Variants in DCDC2C observed in about 807,000 individuals in gnomAD.
DCDC2C encodes doublecortin domain containing 2C.
In DCDC2C, 44 loss-of-function variants were observed where a neutral mutation model predicts 45.0. That is an observed-to-expected ratio of 0.98 (90% CI 0.77 to 1.26). DCDC2C has a LOEUF of 1.26. DCDC2C is among the 50% of genes most tolerant of loss of function. The pLI is 0.00. For synonymous variants in DCDC2C, 187 were observed against 178.8 expected (o/e 1.05, Z -0.37); for missense variants, 447 against 468.9 (o/e 0.95, Z 0.43).
intron 2 of DCDC2C, among the ~76,000 whole-genome samples, chr2:3,726,798 G>A (rs956325131): frequency 4.0e-5 from 6 of 151,460 alleles, no homozygotes; most frequent in African/African-American, 1.2e-4. Flanking sequence ...AGACCCCCTC[G>A]CGCTGCACTT....
At chr2:3,708,675 A>G (rs1177328190) in intron 2 of DCDC2C, 75 bp downstream of exon 2, 1 of 1,176,680 alleles carries the variant, frequency 8.5e-7, no homozygotes, top group Non-Finnish European at 1.2e-6. Flanking sequence ...TCGGCACGGA[A>G]TAATTGAAGT....
At position 3,776,516 on chromosome 2, in the gene DCDC2C, T is replaced by C. The variant is rs182066296; in HGVS notation, c.955-2300T>C. 3.6e-4 allele frequency among the ~76,000 whole-genome samples: 55 copies of C among 152,140 alleles called. 1 individual carries two copies. The highest frequency in any genetic ancestry group is 3.4e-3 in the Middle Eastern group (1 of 294). ...CCACTCGCTTTTCCTTGCAATGCTGTCTTCCTTTGGCAAGAGAATCTCGTC... is the reference window on the plus strand; with the variant it reads ...CCACTCGCTTTTCCTTGCAATGCTGCCTTCCTTTGGCAAGAGAATCTCGTC... On this transcript the variant is annotated intron_variant, in intron 8 of 10. Coordinates refer to ENST00000399143, the MANE Select transcript of DCDC2C (RefSeq NM_001287444.2).
chr2:3,782,446 T>C (rs974156474), intron 9 of DCDC2C, among the ~76,000 whole-genome samples: 1 of 152,114 alleles, frequency 6.6e-6, no homozygotes, highest in Non-Finnish European at 1.5e-5. Context: ...AGATGGAATG[T>C]TATTAACATT....
At chr2:3,812,981 T>C (rs1197856471) in intron 10 of DCDC2C, among the ~76,000 whole-genome samples, 2 of 151,170 alleles carry the variant, frequency 1.3e-5, no homozygotes, top group East Asian at 3.9e-4. Context: ...TGCTGAGTGT[T>C]TTACTTCCAA....
intron 3 of DCDC2C, among the ~76,000 whole-genome samples, chr2:3,729,105 T>C (rs1178593797): frequency 6.6e-6 from 1 of 152,222 alleles, no homozygotes; most frequent in East Asian, 1.9e-4. Context: ...CCTGAGTCAG[T>C]GAATGAGCCT....
At chr2:3,726,925 G>C in intron 2 of DCDC2C, 78 bp from the exon 3 acceptor site, 3 of 1,290,380 alleles carry the variant, frequency 2.3e-6, no homozygotes, top group Non-Finnish European at 2.2e-6. Context: ...TTTTAGGGCA[G>C]TGCTGTGCAC....
chr2:3,755,948 A>G (rs986238492), intron 6 of DCDC2C, among the ~76,000 whole-genome samples: 3 of 152,072 alleles, frequency 2.0e-5, no homozygotes, highest in Non-Finnish European at 4.4e-5. Flanking sequence ...ATACACGTGT[A>G]TAGAGGCATA....
chr2:3,738,517 A>G (rs1447594703), intron 3 of DCDC2C, among the ~76,000 whole-genome samples: 1 of 116,010 alleles, frequency 8.6e-6, no homozygotes, highest in Non-Finnish European at 1.6e-5. Context: ...AGGGCAATAC[A>G]TTTTTTCTGC....
intron 9 of DCDC2C, among the ~76,000 whole-genome samples, chr2:3,780,876 T>G (rs956696812): frequency 6.6e-6 from 1 of 152,250 alleles, no homozygotes; most frequent in Non-Finnish European, 1.5e-5. Context: ...CTGTGTTTTC[T>G]TCTTCCAGTG....
chr2:3,843,801 T>C (rs2148249021), intron 10 of DCDC2C, among the ~76,000 whole-genome samples: 1 of 152,340 alleles, frequency 6.6e-6, no homozygotes, highest in South Asian at 2.1e-4. Context: ...ATGGAATGTG[T>C]CTGTGTAATT....
intron 2 of DCDC2C, among the ~76,000 whole-genome samples, chr2:3,716,138 G>T (rs1014392272): frequency 6.6e-6 from 1 of 152,182 alleles, no homozygotes; most frequent in Non-Finnish European, 1.5e-5. Context: ...AATGATCCAG[G>T]CAAGGGACAG....
At chr2:3,795,354 G>T (rs1292703117) in intron 10 of DCDC2C, among the ~76,000 whole-genome samples, 1 of 194 alleles carries the variant, frequency 5.2e-3, no homozygotes, top group Non-Finnish European at 0.011. Context: ...TTGCTGTGCA[G>T]AAGGCTCTTT....
chr2:3,792,019 A>G (rs997417495), intron 10 of DCDC2C, among the ~76,000 whole-genome samples: 6 of 152,224 alleles, frequency 3.9e-5, no homozygotes, highest in South Asian at 2.1e-4. Flanking sequence ...AGTTATCCAC[A>G]ATATTATCTG....
intron 6 of DCDC2C, among the ~76,000 whole-genome samples, chr2:3,758,990 T>G (rs1669804800): frequency 6.6e-6 from 1 of 152,190 alleles, no homozygotes; most frequent in Non-Finnish European, 1.5e-5. Context: ...AGGGGAGGGC[T>G]GTGTGGCCAG....
At chr2:3,824,546 G>A (rs1671771376) in intron 10 of DCDC2C, among the ~76,000 whole-genome samples, 1 of 152,206 alleles carries the variant, frequency 6.6e-6, no homozygotes, top group South Asian at 2.1e-4. Flanking sequence ...GCTTGAATCA[G>A]CCTAGAGAGG....
At chr2:3,704,349 CAGGGGTGTGGAGGAGGGCGTGGGGG>C (rs1667977776) in intron 1 of DCDC2C, among the ~76,000 whole-genome samples, 5 of 113,826 alleles carry the variant, frequency 4.4e-5, no homozygotes, top group African/African-American at 1.6e-4. Flanking sequence ...GGGGCAGAAA[CAGGGGTGTGGAGGAGGGCGTGGGGG>C]AGGGGTGTGG....
intron 1 of DCDC2C, among the ~76,000 whole-genome samples, chr2:3,705,419 G>A (rs879550436): frequency 6.6e-6 from 1 of 152,108 alleles, no homozygotes; most frequent in Non-Finnish European, 1.5e-5. Context: ...CTAGTCAGAT[G>A]GTGTGAATAT....
At chr2:3,832,234 A>G (rs1378929875) in intron 10 of DCDC2C, among the ~76,000 whole-genome samples, 11 of 152,268 alleles carry the variant, frequency 7.2e-5, no homozygotes, top group Non-Finnish European at 1.2e-4. Flanking sequence ...CAAATTTCAT[A>G]GGAAAAATCA....
intron 4 of DCDC2C, among the ~76,000 whole-genome samples, chr2:3,749,349 C>G (rs536226316): frequency 6.6e-6 from 1 of 152,290 alleles, no homozygotes; most frequent in South Asian, 2.1e-4. Flanking sequence ...CATTTGATAT[C>G]CATATTCTGG....
Sources: gnomAD v4.1 joint callset for allele counts (sites outside exome capture counted in the v4.1 genomes callset) on GRCh38, gnomAD v4.1.1 for gene constraint, MANE v1.5 for transcripts, NCBI Gene and HGNC (gene_info 2026-07-23, HGNC 2026-07-21) for gene names.